Variants in MAGI2 observed in about 807,000 individuals in gnomAD.
MAGI2 encodes the protein membrane associated guanylate kinase, WW and PDZ domain containing 2, also known as membrane-associated guanylate kinase, WW and PDZ domain-containing protein 2.
A neutral mutation model predicts 133.3 loss-of-function variants in MAGI2; 35 were observed. The ratio of observed to expected loss-of-function variants is 0.26; its 90% CI spans 0.20 to 0.35. MAGI2 has a LOEUF of 0.35. Among genes scored for constraint, MAGI2 ranks in the 10% least tolerant of loss-of-function variants. MAGI2 has a pLI of 1.00. For missense variants in MAGI2, 1,636 were observed against 1,863.4 expected (o/e 0.88, Z 2.25); for synonymous variants, 729 against 710.6 (o/e 1.03, Z -0.41).
intron 2 of MAGI2, among the ~76,000 whole-genome samples, chr7:78,726,919 G>GTTT (rs573285679): frequency 0.012 from 1,753 of 144,132 alleles, 40 homozygotes; most frequent in African/African-American, 0.041. Flanking sequence ...AGATGCATGG[G>GTTT]TTTTTTTTTT....
rs377015683 is a variant in MAGI2 at position 78,772,064 on chromosome 7, C to G, written c.419-144825G>C. ...ACAGAAACAACTGGAAAAACTTGTG[C>G]TAACCTAGTATAGTATTGAAGATAC... On this transcript the variant is annotated intron_variant, in intron 2 of 21. Coordinates refer to ENST00000354212, the MANE Select transcript of MAGI2 (RefSeq NM_012301.4). Among the ~76,000 whole-genome samples the G allele has an allele frequency of 3.8e-4, 58 of 152,270 alleles. 1 individual carries two copies. In the East Asian group the frequency reaches 6.2e-3, roughly 16 times the overall value.
chr7:79,193,082 G>GGATTA (rs1585167325), intron 1 of MAGI2, among the ~76,000 whole-genome samples: 1 of 151,830 alleles, frequency 6.6e-6, no homozygotes, highest in African/African-American at 2.4e-5. Flanking sequence ...CAAAGTGCTG[G>GGATTA]GATTACAGGT....
intron 2 of MAGI2, among the ~76,000 whole-genome samples, chr7:78,645,163 T>TA (rs1169743257): frequency 1.3e-5 from 2 of 151,882 alleles, no homozygotes; most frequent in African/African-American, 2.4e-5. Flanking sequence ...ATATTTTAGT[T>TA]AAAAACTATC....
intron 2 of MAGI2, among the ~76,000 whole-genome samples, chr7:78,962,468 A>G (rs1478742818): frequency 1.3e-5 from 2 of 151,216 alleles, no homozygotes; most frequent in African/African-American, 4.9e-5. Context: ...CCACCTGCTC[A>G]CCAAGAATAA....
chr7:79,452,752 G>T (rs1291620774), intron 1 of MAGI2: 7 of 423,052 alleles, frequency 1.7e-5, no homozygotes, highest in Non-Finnish European at 2.9e-5. Context: ...GCAGCTCTGA[G>T]GAGGTCAGAC....
intron 1 of MAGI2, among the ~76,000 whole-genome samples, chr7:79,277,327 C>T (rs990782325): frequency 1.3e-5 from 2 of 152,044 alleles, no homozygotes; most frequent in African/African-American, 4.8e-5. Flanking sequence ...AGTTAAAATA[C>T]ATACATTGTG....
At chr7:78,391,862 C>T (rs1230924377) in intron 6 of MAGI2, among the ~76,000 whole-genome samples, 1 of 152,138 alleles carries the variant, frequency 6.6e-6, no homozygotes, top group African/African-American at 2.4e-5. Flanking sequence ...ATTCCCACTG[C>T]AATATAAAGT....
intron 3 of MAGI2, among the ~76,000 whole-genome samples, chr7:78,590,496 G>A (rs1484014931): frequency 6.6e-6 from 1 of 152,182 alleles, no homozygotes; most frequent in African/African-American, 2.4e-5. Context: ...AGCAATGTAG[G>A]TGTGCTGGCT....
intron 1 of MAGI2, among the ~76,000 whole-genome samples, chr7:79,035,198 G>A (rs554163626): frequency 0.25 from 35,389 of 144,074 alleles, 4,411 homozygotes; most frequent in Admixed American, 0.3. Flanking sequence ...AAGTGTGTGT[G>A]TGTGTGTGGT....
chr7:78,086,893 C>T (rs1816704398), intron 20 of MAGI2, among the ~76,000 whole-genome samples: 1 of 152,154 alleles, frequency 6.6e-6, no homozygotes, highest in African/African-American at 2.4e-5. Context: ...TTTTTAGCCT[C>T]CCAAAGTGCT....
At chr7:79,198,765 G>A (rs1828324342) in intron 1 of MAGI2, among the ~76,000 whole-genome samples, 2 of 152,008 alleles carry the variant, frequency 1.3e-5, no homozygotes, top group African/African-American at 2.4e-5. Flanking sequence ...GTGGGTGCCT[G>A]TAATACCAGC....
chr7:78,781,452 A>G (rs1200668619), intron 2 of MAGI2, among the ~76,000 whole-genome samples: 2 of 151,918 alleles, frequency 1.3e-5, no homozygotes, highest in Non-Finnish European at 2.9e-5. Flanking sequence ...AAAAATTTGC[A>G]TAAAGGCTTG....
intron 1 of MAGI2, among the ~76,000 whole-genome samples, chr7:79,294,128 A>C (rs2129559037): frequency 6.6e-6 from 1 of 151,290 alleles, no homozygotes; most frequent in East Asian, 1.9e-4. Context: ...CAGTGAGCCA[A>C]GATTGCACCA....
rs576436497 is a variant in MAGI2 at position 78,312,368 on chromosome 7, T to C, written c.1408+31410A>G. 4.3e-4 allele frequency among the ~76,000 whole-genome samples: 65 copies of C among 152,244 alleles called. 1 individual carries two copies. In the South Asian group the frequency reaches 0.013, roughly 30 times the overall value. On this transcript the variant is annotated intron_variant, in intron 9 of 21. Coordinates refer to ENST00000354212, the MANE Select transcript of MAGI2 (RefSeq NM_012301.4). ...GTAGCAGAGACATCCAGTTCTGCAA[T>C]GAGTATAGGCGAACTGTAAATTTTA...
chr7:79,069,075 G>A (rs986715464), intron 1 of MAGI2, among the ~76,000 whole-genome samples: 3 of 151,892 alleles, frequency 2.0e-5, no homozygotes, highest in African/African-American at 7.3e-5. Flanking sequence ...TGTATATTCT[G>A]TTGATTTGGG....
At chr7:78,502,325 G>A (rs1794697875) in intron 4 of MAGI2, among the ~76,000 whole-genome samples, 1 of 152,144 alleles carries the variant, frequency 6.6e-6, no homozygotes, top group South Asian at 2.1e-4. Context: ...AATGTTGCTG[G>A]CTTAGAAGAC....
chr7:78,545,834 T>A (rs995112327), intron 3 of MAGI2, among the ~76,000 whole-genome samples: 1 of 152,208 alleles, frequency 6.6e-6, no homozygotes, highest in African/African-American at 2.4e-5. Context: ...ATTTTGTTTG[T>A]ATGGTGTTTA....
chr7:78,054,579 C>T (rs1240561821), intron 21 of MAGI2, among the ~76,000 whole-genome samples: 1 of 146,336 alleles, frequency 6.8e-6, no homozygotes, highest in Admixed American at 6.7e-5. Context: ...CCCCTTCATT[C>T]ATAGGCATAC....
At chr7:79,136,028 GGAAAGAAA>G (rs761493818) in intron 1 of MAGI2, among the ~76,000 whole-genome samples, 2 of 51,614 alleles carry the variant, frequency 3.9e-5, no homozygotes, top group Non-Finnish European at 7.9e-5. Context: ...AAAGAAAGAA[GGAAAGAAA>G]GAAAGAAAGA....
Sources: allele counts gnomAD v4.1 joint callset (sites outside exome capture counted in the v4.1 genomes callset), GRCh38; gene constraint gnomAD v4.1.1; transcripts MANE v1.5; gene names NCBI Gene and HGNC (gene_info 2026-07-23, HGNC 2026-07-21).